PIKFYVE: variants seen among roughly 807,000 people sequenced by gnomAD.
PIKFYVE encodes phosphoinositide kinase, FYVE-type zinc finger containing.
A neutral mutation model predicts 257.9 loss-of-function variants in PIKFYVE; 122 were observed. That is an observed-to-expected ratio of 0.47 (90% confidence interval 0.41 to 0.55). The LOEUF is 0.55. PIKFYVE is among the 20% of genes least tolerant of loss of function. The probability of loss-of-function intolerance (pLI) is 0.00; values close to 1 mark genes in which losing one functional copy is unlikely to be tolerated. For synonymous variants in PIKFYVE, 892 were observed against 868.9 expected (o/e 1.03, Z -0.47); for missense variants, 2,160 against 2,536.6 (o/e 0.85, Z 3.19).
At chr2:208,339,156 T>C (rs1475872541) in intron 29 of PIKFYVE, among the ~76,000 whole-genome samples, 1 of 152,244 alleles carries the variant, frequency 6.6e-6, no homozygotes, top group Non-Finnish European at 1.5e-5. Context: ...TGTGGTATAA[T>C]GGATAGCGTG....
At chr2:208,300,696 C>T (rs1241356461) in intron 8 of PIKFYVE, among the ~76,000 whole-genome samples, 3 of 151,924 alleles carry the variant, frequency 2.0e-5, no homozygotes, top group African/African-American at 4.8e-5. Context: ...GTGCCATTGA[C>T]TGAAAAAAGA....
chr2:208,310,859 G>C (rs745674925), intron 12 of PIKFYVE, among the ~76,000 whole-genome samples: 2 of 152,136 alleles, frequency 1.3e-5, no homozygotes, highest in Non-Finnish European at 2.9e-5. Flanking sequence ...AAACATTTTG[G>C]AGACAGTTGG....
chr2:208,310,939 T>G (rs79597169), intron 12 of PIKFYVE, among the ~76,000 whole-genome samples: 68 of 152,306 alleles, frequency 4.5e-4, no homozygotes, highest in Non-Finnish European at 8.5e-4. Context: ...GTAAATAATT[T>G]TGTGGCTATA....
At chr2:208,271,398 C>T in intron 1 of PIKFYVE, 113 bp from the exon 2 acceptor site, 2 of 1,006,290 alleles carry the variant, frequency 2.0e-6, no homozygotes, top group South Asian at 2.6e-5. Context: ...TGTTTGTTTT[C>T]ATAGTCTGAC....
chr2:208,283,869 C>T (rs1310010940), intron 5 of PIKFYVE, among the ~76,000 whole-genome samples: 2 of 152,202 alleles, frequency 1.3e-5, no homozygotes, highest in African/African-American at 4.8e-5. Context: ...CGGGTGTGCA[C>T]CACCATGCCT....
intron 20 of PIKFYVE, among the ~76,000 whole-genome samples, chr2:208,327,897 T>C (rs1018571814): frequency 3.9e-5 from 6 of 152,324 alleles, no homozygotes; most frequent in Middle Eastern, 3.4e-3. Flanking sequence ...TTAATTTTTT[T>C]CCAAAATAAT....
At chr2:208,339,323 A>C in intron 29 of PIKFYVE, 95 bp from the exon 30 acceptor site, 1 of 1,421,330 alleles carries the variant, frequency 7.0e-7, no homozygotes, top group Non-Finnish European at 9.9e-7. Context: ...TCTACCTTTT[A>C]GGAAGTAGGC....
chr2:208,348,905 G>T (rs1260513142), intron 35 of PIKFYVE, among the ~76,000 whole-genome samples: 1 of 150,888 alleles, frequency 6.6e-6, no homozygotes, highest in Non-Finnish European at 1.5e-5. Flanking sequence ...GCCCAGTATG[G>T]TAATCCCAGC....
chr2:208,340,260 G>T, intron 31 of PIKFYVE, 129 bp downstream of exon 31: 1 of 1,239,862 alleles, frequency 8.1e-7, no homozygotes, highest in Non-Finnish European at 1.1e-6. Flanking sequence ...TTTAGTAAAA[G>T]AGATGTCTTT....
At chr2:208,306,228 A>G (rs796759596) in intron 12 of PIKFYVE, among the ~76,000 whole-genome samples, 4 of 152,318 alleles carry the variant, frequency 2.6e-5, no homozygotes, top group African/African-American at 9.6e-5. Context: ...AGTAAGATAG[A>G]CATCTTTATG....
chr2:208,328,541 C>T lies in PIKFYVE; in HGVS notation c.3719+261C>T, dbSNP rs183294072. Among the ~76,000 whole-genome samples the T allele has an allele frequency of 1.2e-3, 187 of 152,228 alleles. 1 individual carries two copies. Among genetic ancestry groups the T allele is most frequent in the African/African-American group, 4.3e-3 (179 of 41,536 alleles). ...AGAGGAATTTGTATTGGTTGACTTTCCCTTATCTGAAATGCTTGGGACCAG... is the reference window on the plus strand; with the variant it reads ...AGAGGAATTTGTATTGGTTGACTTTTCCTTATCTGAAATGCTTGGGACCAG... On this transcript the variant is annotated intron_variant, in intron 21 of 41. Coordinates refer to ENST00000264380, the MANE Select transcript of PIKFYVE (RefSeq NM_015040.4).
intron 23 of PIKFYVE, among the ~76,000 whole-genome samples, chr2:208,332,871 C>T (rs1056182050): frequency 6.6e-6 from 1 of 152,010 alleles, no homozygotes; most frequent in South Asian, 2.1e-4. Flanking sequence ...CCCCCAAGTC[C>T]ACCCACCTTT....
At chr2:208,327,470 A>G (rs1304214855) in intron 20 of PIKFYVE, among the ~76,000 whole-genome samples, 1 of 152,196 alleles carries the variant, frequency 6.6e-6, no homozygotes, top group Non-Finnish European at 1.5e-5. Flanking sequence ...TCATTTAATG[A>G]CTTGGATAAA....
chr2:208,293,570 C>G (rs1397961436), intron 7 of PIKFYVE, among the ~76,000 whole-genome samples: 1 of 151,988 alleles, frequency 6.6e-6, no homozygotes, highest in Non-Finnish European at 1.5e-5. Context: ...AGGTTGATGG[C>G]TTTTTTCTCT....
Position 208,354,124 on chromosome 2 carries a change from A to G in PIKFYVE, c.6071A>G (p.Asp2024Gly), listed in dbSNP as rs780246813. 1.2e-5 allele frequency: 19 copies of G among 1,613,684 alleles called. No homozygotes were observed. Among genetic ancestry groups the G allele is most frequent in the Non-Finnish European group, 1.6e-5 (19 of 1,179,890 alleles). ...IIDYSLLVGR[D>G]DTSNELVVGI... Reference sequence around the variant, plus strand: ...GATTATTCTTTGCTGGTTGGGCGAGATGATACTAGCAATGAGCTAGTAGTT... The same window carrying G: ...GATTATTCTTTGCTGGTTGGGCGAGGTGATACTAGCAATGAGCTAGTAGTT... Residue 2024 changes from aspartate (D) to glycine (G), a missense_variant, in exon 40 of 42, where the codon GAT (aspartate) becomes GGT (glycine). Physicochemically the swap from Asp to Gly is moderately conservative, Grantham distance 94. This residue lies in a region of PIKFYVE where 699 missense variants were observed against 855.8 expected (regional missense o/e 0.82). Coordinates refer to ENST00000264380, the MANE Select transcript of PIKFYVE (RefSeq NM_015040.4).
intron 7 of PIKFYVE, among the ~76,000 whole-genome samples, chr2:208,294,670 G>C (rs1692736610): frequency 6.6e-6 from 1 of 152,104 alleles, no homozygotes. Context: ...AGAATGGCTG[G>C]AGGGGGCTGG....
At chr2:208,323,029 C>T (rs1446896453) in intron 17 of PIKFYVE, among the ~76,000 whole-genome samples, 2 of 151,338 alleles carry the variant, frequency 1.3e-5, no homozygotes, top group African/African-American at 2.4e-5. Context: ...ATGAACTCAT[C>T]CTTTTTTATG....
chr2:208,336,721 G>A (rs2125687120), intron 27 of PIKFYVE, 117 bp from the exon 28 acceptor site: 3 of 651,902 alleles, frequency 4.6e-6, no homozygotes, highest in Admixed American at 2.6e-5. Context: ...TAAAGACTAT[G>A]GTAATCCAAA....
At chr2:208,282,027 T>C (rs535644048) in intron 5 of PIKFYVE, among the ~76,000 whole-genome samples, 21 of 152,348 alleles carry the variant, frequency 1.4e-4, no homozygotes, top group African/African-American at 5.0e-4. Flanking sequence ...TTTCTTTTTT[T>C]ACTTTTGTCT....
Sources: allele counts gnomAD v4.1 joint callset (sites outside exome capture counted in the v4.1 genomes callset), GRCh38; gene constraint gnomAD v4.1.1; regional missense constraint gnomAD v4.1.1; transcripts MANE v1.5; gene names NCBI Gene and HGNC (gene_info 2026-07-23, HGNC 2026-07-21).